ZBED1: variants seen among roughly 807,000 people sequenced by gnomAD.
The protein encoded by ZBED1 is E3 SUMO-protein ligase ZBED1.
In ZBED1, 19 loss-of-function variants were observed where a neutral mutation model predicts 49.7. The observed-to-expected ratio is 0.38, with a 90% confidence interval of 0.27 to 0.56. The LOEUF is 0.56. Ranked by LOEUF, ZBED1 falls within the 20% of genes least tolerant of loss-of-function variation. The probability of loss-of-function intolerance (pLI) is 0.70; values close to 1 mark genes in which losing one functional copy is unlikely to be tolerated. For synonymous variants in ZBED1, 439 were observed against 440.3 expected (o/e 1.00, Z 0.04); for missense variants, 806 against 972.6 (o/e 0.83, Z 2.28).
rs137896314 is a variant in ZBED1, at chrX:2,490,417, C to T, written c.303G>A (p.Ser101=). 64 of 1,613,836 alleles carry T rather than the reference C, an allele frequency of 4.0e-5. No homozygotes were observed. The highest frequency in any genetic ancestry group is 6.7e-5 in the African/African-American group (5 of 74,938). ...GCGCGTCCTGCCCGGGCTGCTGGGACGACTCGGGCTTCAGCTTGGAGAAGG... is the reference window on the plus strand; with the variant it reads ...GCGCGTCCTGCCCGGGCTGCTGGGATGACTCGGGCTTCAGCTTGGAGAAGG... ...ATAFSKLKPE[S]SQQPGQDALA... Residue 101 remains serine, a synonymous_variant, in exon 2 of 2, where the codon TCG becomes TCA. Coordinates refer to ENST00000652001, the MANE Select transcript of ZBED1 (RefSeq NM_001171136.2).
rs151286710 is a variant in ZBED1, at chrX:2,490,273, G to A, written c.447C>T (p.Phe149=). ...GGTCGGCCGTCTTCAGCAGCACCTT[G>A]AAGGTGGGCTCGTCCACGATGGAGG... ...YPASIVDEPT[F]KVLLKTADPR... Residue 149 remains phenylalanine, a synonymous_variant, in exon 2 of 2, where the codon TTC becomes TTT. Coordinates refer to ENST00000652001, the MANE Select transcript of ZBED1 (RefSeq NM_001171136.2). 9 of 1,613,714 alleles carry A rather than the reference G, an allele frequency of 5.6e-6. No individual in the cohort carries two copies. In the African/African-American group the frequency reaches 8.0e-5, roughly 14 times the overall value.
intron 1 of ZBED1, among the ~76,000 whole-genome samples, chrX:2,491,230 T>G (rs2045135236): frequency 6.6e-6 from 1 of 152,068 alleles, no homozygotes; most frequent in African/African-American, 2.4e-5. Context: ...CCATCACGCC[T>G]GGCTAATTTT....
chrX:2,498,434 T>G (rs1025154669), intron 1 of ZBED1, among the ~76,000 whole-genome samples: 17 of 152,160 alleles, frequency 1.1e-4, no homozygotes, highest in Non-Finnish European at 2.1e-4. Context: ...ATTCCTCCAC[T>G]GGTATCGAAA....
At chrX:2,495,361 TTAA>T (rs1476676288) in intron 1 of ZBED1, among the ~76,000 whole-genome samples, 1 of 151,972 alleles carries the variant, frequency 6.6e-6, no homozygotes, top group Non-Finnish European at 1.5e-5. Flanking sequence ...TCTATTATTA[TTAA>T]TATTATTGTT....
Position 2,489,507 on chromosome X carries a change from T to G in ZBED1, c.1213A>C (p.Lys405Gln). The G allele has an allele frequency of 1.2e-6, 2 of 1,613,242 alleles. No individual in the cohort carries two copies. Among genetic ancestry groups the G allele is most frequent in the South Asian group, 2.2e-5 (2 of 91,038 alleles). The change falls in exon 2 of 2, where the codon AAG becomes CAG. Residue 405 changes from lysine (K) to glutamine (Q), a missense_variant. Coordinates refer to ENST00000652001, the MANE Select transcript of ZBED1 (RefSeq NM_001171136.2). ...EGLVELLQPF[K>Q]QVAEMLSASR... is the part of the protein sequence containing the mutation. Reference sequence around the variant, plus strand: ...GCCGACAGCATCTCGGCCACCTGCTTGAAGGGCTGCAGGAGCTCCACCAGC... The same window carrying G: ...GCCGACAGCATCTCGGCCACCTGCTGGAAGGGCTGCAGGAGCTCCACCAGC...
In ZBED1 at chrX:2,488,570, G is replaced by GT; in HGVS notation, c.*64dup. The GT allele has an allele frequency of 1.3e-6, 2 of 1,517,462 alleles. No homozygotes were observed. The highest frequency in any genetic ancestry group is 2.6e-5 in the South Asian group (2 of 75,666). The allele number at this position is 1,517,462 out of a possible 1,614,324, so 94.0% of individuals were successfully genotyped here. A position where few individuals can be genotyped will look rare whatever the true frequency, so the allele number is the denominator to read the frequency against. On this transcript the variant is annotated 3_prime_UTR_variant, in exon 2 of 2. Coordinates refer to ENST00000652001, the MANE Select transcript of ZBED1 (RefSeq NM_001171136.2). The stretch of plus-strand genomic sequence containing the variant: ...GTTCAAAACCAAGCTGACCGGGTAA[G>GT]TATTTACAGCAAAGCATCCAATGGG...
chrX:2,490,567 C>A lies in ZBED1; in HGVS notation c.153G>T (p.Met51Ile), dbSNP rs776914577. 1 of 1,613,962 alleles carries A rather than the reference C, an allele frequency of 6.2e-7. No homozygotes were observed. The highest frequency in any genetic ancestry group is 1.1e-5 in the South Asian group (1 of 91,076). ...QWKKIYCRICMAQIAYSGNTS... is the reference protein window; with the variant it reads ...QWKKIYCRICIAQIAYSGNTS... ...TGTTTCCGGAGTAGGCGATCTGGGC[C>A]ATGCAGATGCGGCAGTAGATTTTCT... Residue 51 changes from methionine to isoleucine, a missense_variant, in exon 2 of 2, where the codon ATG becomes ATT. Around this residue, in one of 2 missense-constraint regions of ZBED1, gnomAD observed 57 missense variants for 111.3 expected, o/e 0.51. Coordinates refer to ENST00000652001, the MANE Select transcript of ZBED1 (RefSeq NM_001171136.2).
chrX:2,489,895 G>A lies in ZBED1; in HGVS notation c.825C>T (p.Ile275=), dbSNP rs776679539. The A allele has an allele frequency of 3.8e-5, 62 of 1,613,748 alleles. No homozygotes were observed. Among genetic ancestry groups the A allele is most frequent in the Admixed American group, 8.3e-5 (5 of 60,004 alleles). ...FGATTNYGKD[I]VKACSLLDVA... is the part of the protein sequence containing the mutation. Reference sequence around the variant, plus strand: ...CGTCCAGCAGGGAGCACGCCTTCACGATGTCCTTGCCATAGTTGGTGGTGG... The same window carrying A: ...CGTCCAGCAGGGAGCACGCCTTCACAATGTCCTTGCCATAGTTGGTGGTGG... The change falls in exon 2 of 2, where the codon ATC becomes ATT. Residue 275 remains isoleucine (I), a synonymous_variant. Transcript: ENST00000652001.
chrX:2,488,468 C>T lies in ZBED1; in HGVS notation c.*167G>A. ...GCGATTATAGACAGGAGCCACCGCC[C>T]CCGACCCTCTCTCACTTCTCAAATC... On this transcript the variant is annotated 3_prime_UTR_variant, in exon 2 of 2. Coordinates refer to ENST00000652001, the MANE Select transcript of ZBED1 (RefSeq NM_001171136.2). 1.1e-6 allele frequency: 1 copy of T among 947,790 alleles called. No individual in the cohort carries two copies. Among genetic ancestry groups the T allele is most frequent in the Non-Finnish European group, 1.5e-6 (1 of 658,856 alleles). 58.7% of individuals were successfully genotyped at this position (947,790 alleles called of 1,614,324 possible).
At chrX:2,492,691 A>C (rs1486588366) in intron 1 of ZBED1, among the ~76,000 whole-genome samples, 5 of 145,780 alleles carry the variant, frequency 3.4e-5, no homozygotes, top group Admixed American at 1.4e-4. Context: ...GACTAGAGTG[A>C]TGATGTGGCT....
chrX:2,488,195 CTTTTT>C lies in ZBED1; in HGVS notation c.*435_*439del. The C allele has an allele frequency of 6.2e-6, 1 of 161,524 alleles. No homozygotes were observed. Among genetic ancestry groups the C allele is most frequent in the Non-Finnish European group, 1.3e-5 (1 of 74,738 alleles). 10.0% of individuals were successfully genotyped at this position (161,524 alleles called of 1,614,324 possible). On this transcript the variant is annotated 3_prime_UTR_variant, in exon 2 of 2. Transcript: ENST00000652001. ...CCACCTCTCTTGTGTCTTCTTTTTT[CTTTTT>C]GAGAGAGTCTCGCTCTTGTCGCCCA...
rs773476210 is a variant in ZBED1 at position 2,490,712 on chromosome X, T to C, written c.8A>G (p.Asn3Ser). ...TGTCTGGGAGCTCTCCAGGCTTTTA[T>C]TCTCCATTGCTTCTCCACCGGAGCC... ME[N>S]KSLESSQTDL... is the part of the protein sequence containing the mutation. Residue 3 changes from asparagine (N) to serine (S), a missense_variant, in exon 2 of 2, where the codon AAT becomes AGT. Coordinates refer to ENST00000652001, the MANE Select transcript of ZBED1 (RefSeq NM_001171136.2). 3 of 1,612,968 alleles carry C rather than the reference T, an allele frequency of 1.9e-6. No individual in the cohort carries two copies. The South Asian group carries it at 3.3e-5, about 18-fold the overall frequency.
chrX:2,489,418 G>A lies in ZBED1; in HGVS notation c.1302C>T (p.Leu434=). ...PLLHMLLNTT[L]NIKETDSKEL... is the part of the protein sequence containing the mutation. ...CCTTGGAGTCGGTCTCCTTGATGTT[G>A]AGCGTGGTGTTCAGGAGCATGTGCA... Residue 434 remains leucine (L), a synonymous_variant, in exon 2 of 2, where the codon CTC becomes CTT. Coordinates refer to ENST00000652001, the MANE Select transcript of ZBED1 (RefSeq NM_001171136.2). 1 of 1,613,928 alleles carries A rather than the reference G, an allele frequency of 6.2e-7. No homozygotes were observed. Among genetic ancestry groups the A allele is most frequent in the Non-Finnish European group, 8.5e-7 (1 of 1,179,866 alleles).
At chrX:2,499,287 TC>T (rs2045353952) in intron 1 of ZBED1, among the ~76,000 whole-genome samples, 1 of 151,888 alleles carries the variant, frequency 6.6e-6, no homozygotes, top group Non-Finnish European at 1.5e-5. Flanking sequence ...AAATAACAGC[TC>T]TCTTCTTAGG....
rs1383691534 is a variant in ZBED1, at chrX:2,500,832, C to A, written c.-69G>T. 1 of 1,141,632 alleles carries A rather than the reference C, an allele frequency of 8.8e-7. No homozygotes were observed. Among genetic ancestry groups the A allele is most frequent in the Non-Finnish European group, 1.1e-6 (1 of 927,844 alleles). 70.7% of individuals were successfully genotyped at this position (1,141,632 alleles called of 1,614,324 possible). On this transcript the variant is annotated 5_prime_UTR_variant, in exon 1 of 2. Transcript: ENST00000652001. ...CCCCGCTGACCTGGCTCCAGGAAGC[C>A]CCCGCGGCAGCGCCGCAGCAGCTGC...
chrX:2,490,250 T>C lies in ZBED1; in HGVS notation c.470A>G (p.Asp157Gly). ...CCGGCTGGGCAGCTCATACCGGGGG[T>C]CGGCCGTCTTCAGCAGCACCTTGAA... Reference protein sequence around the residue: ...PTFKVLLKTADPRYELPSRKY... With the variant: ...PTFKVLLKTAGPRYELPSRKY... Residue 157 changes from aspartate (D) to glycine (G), a missense_variant, in exon 2 of 2, where the codon GAC becomes GGC. This residue lies in a region of ZBED1 where 749 missense variants were observed against 861.3 expected (regional missense o/e 0.87). Transcript: ENST00000652001. 2 of 1,613,678 alleles carry C rather than the reference T, an allele frequency of 1.2e-6. No individual in the cohort carries two copies. Among genetic ancestry groups the C allele is most frequent in the Non-Finnish European group, 1.7e-6 (2 of 1,179,824 alleles).
chrX:2,500,900 G>T lies in ZBED1; in HGVS notation c.-137C>A. On this transcript the variant is annotated 5_prime_UTR_variant, in exon 1 of 2. Coordinates refer to ENST00000652001, the MANE Select transcript of ZBED1 (RefSeq NM_001171136.2). ...GCCTACCGCGTAGACCCGCAGGGCC[G>T]CCCGCGCCGCAGACAATGGCGACAT... is the stretch of plus-strand genomic sequence containing the variant. The T allele has an allele frequency of 8.9e-7, 1 of 1,126,208 alleles. No individual in the cohort carries two copies. The highest frequency in any genetic ancestry group is 1.1e-6 in the Non-Finnish European group (1 of 917,432). 69.8% of individuals were successfully genotyped at this position (1,126,208 alleles called of 1,614,324 possible).
In ZBED1 at chrX:2,493,055, C is replaced by CCCGGCATTG. The variant is rs2045196276; in HGVS notation, c.-53-2284_-53-2283insCAATGCCGG. ...CCAGGTGAGCTGGGCATTGCCAGAG[C>CCCGGCATTG]CCAGCAGTGCCACTTCCCAAGACTG... is the stretch of plus-strand genomic sequence containing the variant. On this transcript the variant is annotated intron_variant, in intron 1 of 1. Coordinates refer to ENST00000652001, the MANE Select transcript of ZBED1 (RefSeq NM_001171136.2). Among the ~76,000 whole-genome samples, 4 of 152,194 alleles carry CCCGGCATTG rather than the reference C, an allele frequency of 2.6e-5. No individual in the cohort carries two copies. In the South Asian group the frequency reaches 8.3e-4, roughly 31 times the overall value.
chrX:2,492,647 G>A (rs7881682), intron 1 of ZBED1, among the ~76,000 whole-genome samples: 1 of 151,308 alleles, frequency 6.6e-6, no homozygotes, highest in African/African-American at 2.4e-5. Flanking sequence ...AGGAGACACA[G>A]ACACAGAGAA....
Sources: gnomAD v4.1 joint callset for allele counts (sites outside exome capture counted in the v4.1 genomes callset) on GRCh38, gnomAD v4.1.1 for gene constraint, gnomAD v4.1.1 regional missense constraint, MANE v1.5 for transcripts, NCBI Gene and HGNC (gene_info 2026-07-23, HGNC 2026-07-21) for gene names.